Variants in GABRB3 observed in about 807,000 individuals in gnomAD.
GABRB3 encodes the protein gamma-aminobutyric acid receptor subunit beta-3.
A neutral mutation model predicts 52.1 loss-of-function variants in GABRB3; 14 were observed. That is an observed-to-expected ratio of 0.27 (90% CI 0.18 to 0.42). The LOEUF (loss-of-function observed/expected upper bound fraction) is 0.42, where lower values mean the gene tolerates loss of function less well. GABRB3 is among the 10% of genes least tolerant of loss of function. The pLI, the probability that GABRB3 is intolerant of heterozygous loss-of-function variation, is 1.00. For synonymous variants in GABRB3, 260 were observed against 232.3 expected (o/e 1.12, Z -1.08); for missense variants, 307 against 609.1 (o/e 0.50, Z 5.22).
At chr15:26,559,523 G>C (rs899910007) in intron 8 of GABRB3, among the ~76,000 whole-genome samples, 1 of 152,126 alleles carries the variant, frequency 6.6e-6, no homozygotes, top group East Asian at 1.9e-4. Flanking sequence ...AAAAATGTGG[G>C]AAGAAACCCA....
chr15:26,647,868 C>G (rs952603735), intron 3 of GABRB3, among the ~76,000 whole-genome samples: 1 of 152,084 alleles, frequency 6.6e-6, no homozygotes, highest in Non-Finnish European at 1.5e-5. Flanking sequence ...CACTGTTAGT[C>G]GAGGAGGAAA....
intron 3 of GABRB3, among the ~76,000 whole-genome samples, chr15:26,699,781 AAG>A (rs1008769260): frequency 2.0e-5 from 3 of 151,916 alleles, no homozygotes; most frequent in Non-Finnish European, 4.4e-5. Context: ...GAAAAAATAA[AAG>A]AGCGTAAGTG....
chr15:26,647,672 C>A (rs1048239508), intron 3 of GABRB3, among the ~76,000 whole-genome samples: 3 of 151,726 alleles, frequency 2.0e-5, no homozygotes, highest in African/African-American at 7.3e-5. Context: ...GAAAAAAGAC[C>A]GTTTGGAATG....
chr15:26,640,480 G>A (rs1376393392), intron 3 of GABRB3, among the ~76,000 whole-genome samples: 2 of 152,092 alleles, frequency 1.3e-5, no homozygotes, highest in Non-Finnish European at 2.9e-5. Flanking sequence ...TCACGCCACT[G>A]CACTCCAGCC....
chr15:26,603,862 A>G (rs1484669544), intron 4 of GABRB3, among the ~76,000 whole-genome samples: 1 of 152,146 alleles, frequency 6.6e-6, no homozygotes, highest in African/African-American at 2.4e-5. Context: ...TTAGATCTGG[A>G]ACATGATAAG....
chr15:26,757,673 T>G (rs1890700218), intron 3 of GABRB3, among the ~76,000 whole-genome samples: 1 of 152,170 alleles, frequency 6.6e-6, no homozygotes, highest in South Asian at 2.1e-4. Context: ...AAAAATCAAG[T>G]CATAGCAGAG....
At chr15:26,748,271 A>G (rs1304526754) in intron 3 of GABRB3, among the ~76,000 whole-genome samples, 1 of 152,110 alleles carries the variant, frequency 6.6e-6, no homozygotes, top group African/African-American at 2.4e-5. Context: ...TATTTTCTAG[A>G]GGAGACTGCA....
chr15:26,696,966 C>T (rs8041115), intron 3 of GABRB3, among the ~76,000 whole-genome samples: 3,636 of 152,248 alleles, frequency 0.024, 141 homozygotes, highest in African/African-American at 0.083. Flanking sequence ...CAACAAATGA[C>T]AAAATCAAAT....
rs937295897 is a variant in GABRB3, at chr15:26,547,186, A to G, written c.*607T>C. 4.6e-6 allele frequency: 1 copy of G among 216,846 alleles called. No homozygotes were observed. The highest frequency in any genetic ancestry group is 9.0e-6 in the Non-Finnish European group (1 of 111,020). The allele number at this position is 216,846 out of a possible 1,614,324, so 13.4% of individuals were successfully genotyped here. On this transcript the variant is annotated 3_prime_UTR_variant, in exon 9 of 9. Transcript: ENST00000311550. ...CTGCCAGTGGCTCACCCCAGCCACT[A>G]AACCATTGCAGAAAACGTATGCCCG...
At chr15:26,756,405 TAAA>T (rs559330345) in intron 3 of GABRB3, among the ~76,000 whole-genome samples, 2 of 134,574 alleles carry the variant, frequency 1.5e-5, no homozygotes, top group African/African-American at 2.8e-5. Context: ...CCCTCTCTAC[TAAA>T]AAAAAAAAAA....
At chr15:26,730,438 A>G (rs1371126499) in intron 3 of GABRB3, among the ~76,000 whole-genome samples, 2 of 150,240 alleles carry the variant, frequency 1.3e-5, no homozygotes, top group East Asian at 3.9e-4. Flanking sequence ...AAAAAAAAAA[A>G]AGACTTACAG....
chr15:26,764,378 GT>G lies in GABRB3; in HGVS notation c.240+8023del, dbSNP rs1890938633. 2.0e-5 allele frequency among the ~76,000 whole-genome samples: 3 copies of G among 151,410 alleles called. No individual in the cohort carries two copies. In the South Asian group the frequency reaches 6.3e-4, roughly 32 times the overall value. On this transcript the variant is annotated intron_variant, in intron 3 of 8. Coordinates refer to ENST00000311550, the MANE Select transcript of GABRB3 (RefSeq NM_000814.6). The stretch of plus-strand genomic sequence containing the variant: ...AACAAATTAGGACACTTAAAGAACT[GT>G]GATGTTCTCAGATCTTAATCTTATT...
intron 3 of GABRB3, among the ~76,000 whole-genome samples, chr15:26,762,617 T>C (rs892262136): frequency 5.9e-5 from 9 of 152,212 alleles, no homozygotes; most frequent in Non-Finnish European, 1.0e-4. Flanking sequence ...TTAAAGAACC[T>C]GACAATTCCT....
chr15:26,760,643 T>C (rs1472992514), intron 3 of GABRB3, among the ~76,000 whole-genome samples: 1 of 152,150 alleles, frequency 6.6e-6, no homozygotes, highest in East Asian at 1.9e-4. Context: ...AAAGTGGTTC[T>C]CCAGGCATAA....
At chr15:26,765,055 G>A (rs532363464) in intron 3 of GABRB3, among the ~76,000 whole-genome samples, 89 of 151,368 alleles carry the variant, frequency 5.9e-4, no homozygotes, top group Non-Finnish European at 1.2e-3. Context: ...GCGTGAACCC[G>A]GGAGGCAGAG....
At chr15:26,583,950 T>C (rs1333237512) in intron 4 of GABRB3, among the ~76,000 whole-genome samples, 2 of 151,988 alleles carry the variant, frequency 1.3e-5, no homozygotes, top group East Asian at 2.0e-4. Context: ...AATTTTTTTG[T>C]ATTTTTTAGT....
chr15:26,679,969 T>C (rs1566802980), intron 3 of GABRB3, among the ~76,000 whole-genome samples: 2 of 152,358 alleles, frequency 1.3e-5, no homozygotes, highest in African/African-American at 2.4e-5. Context: ...ATTTTACGTG[T>C]CATTCATTTT....
chr15:26,710,219 T>C (rs1889248996), intron 3 of GABRB3, among the ~76,000 whole-genome samples: 2 of 152,214 alleles, frequency 1.3e-5, no homozygotes, highest in African/African-American at 4.8e-5. Flanking sequence ...CTGTTTTGAA[T>C]ACCCTGCACA....
intron 3 of GABRB3, among the ~76,000 whole-genome samples, chr15:26,708,405 T>C (rs1595542638): frequency 6.6e-6 from 1 of 152,052 alleles, no homozygotes; most frequent in South Asian, 2.1e-4. Flanking sequence ...TGCCAAGAAA[T>C]GGGCAGCTAC....
Sources: allele counts gnomAD v4.1 joint callset (sites outside exome capture counted in the v4.1 genomes callset), GRCh38; gene constraint gnomAD v4.1.1; transcripts MANE v1.5; gene names NCBI Gene and HGNC (gene_info 2026-07-23, HGNC 2026-07-21).